The following NEDD4 variants were observed in gnomAD, a reference collection of about 807,000 sequenced individuals.
NEDD4 encodes the protein E3 ubiquitin-protein ligase NEDD4.
In NEDD4, 99 loss-of-function variants were observed where a neutral mutation model predicts 144.9. That is an observed-to-expected ratio of 0.68 (90% CI 0.58 to 0.81). The LOEUF (loss-of-function observed/expected upper bound fraction) is 0.81, where lower values mean the gene tolerates loss of function less well. Ranked by LOEUF, NEDD4 falls within the 30% of genes least tolerant of loss-of-function variation. NEDD4 has a pLI of 0.00. For missense variants in NEDD4, 985 were observed against 1,065.9 expected (o/e 0.92, Z 1.06); for synonymous variants, 318 against 350.6 (o/e 0.91, Z 1.04).
chr15:55,945,252 C>T (rs531575465), intron 4 of NEDD4, among the ~76,000 whole-genome samples: 8 of 152,028 alleles, frequency 5.3e-5, no homozygotes, highest in African/African-American at 1.9e-4. Flanking sequence ...TTGCAAGGAA[C>T]CTAAAAACCT....
At position 55,869,694 on chromosome 15, in the gene NEDD4, A is replaced by C; in HGVS notation, c.405-13T>G. On this transcript the variant is annotated splice_polypyrimidine_tract_variant and intron_variant, in intron 7 of 28. Transcript: ENST00000435532. ...TCTTGATTTGTGACTGTAGAAAAGA[A>C]AATAAATATTCATAAAACTTTAACA... 6.9e-7 allele frequency: 1 copy of C among 1,441,454 alleles called. No individual in the cohort carries two copies. Among genetic ancestry groups the C allele is most frequent in the Non-Finnish European group, 9.5e-7 (1 of 1,051,550 alleles). The allele number at this position is 1,441,454 out of a possible 1,614,324, so 89.3% of individuals were successfully genotyped here. A position where few individuals can be genotyped will look rare whatever the true frequency, so the allele number is the denominator to read the frequency against.
chr15:55,931,978 C>T lies in NEDD4; in HGVS notation c.238-7279G>A, dbSNP rs536104481. ...TCTCCATAGATTTGCCTATTCTGGA[C>T]ATTTCATGTAAGTGGAATCATACAA... On this transcript the variant is annotated intron_variant, in intron 4 of 28. Transcript: ENST00000435532. Among the ~76,000 whole-genome samples the T allele has an allele frequency of 3.3e-5, 5 of 152,302 alleles. No individual in the cohort carries two copies. In the South Asian group the frequency reaches 1.0e-3, roughly 32 times the overall value.
At chr15:55,867,987 CA>C (rs2034642844) in intron 8 of NEDD4, among the ~76,000 whole-genome samples, 1 of 148,454 alleles carries the variant, frequency 6.7e-6, no homozygotes, top group Non-Finnish European at 1.5e-5. Flanking sequence ...ACCCAGGAGG[CA>C]GAGGCTGCAG....
intron 2 of NEDD4, among the ~76,000 whole-genome samples, chr15:55,956,173 T>C (rs1324066745): frequency 6.6e-6 from 1 of 152,188 alleles, no homozygotes; most frequent in Non-Finnish European, 1.5e-5. Flanking sequence ...TATGTATTTA[T>C]GGGGTACATG....
intron 4 of NEDD4, among the ~76,000 whole-genome samples, chr15:55,948,112 T>C (rs897879721): frequency 5.9e-5 from 9 of 152,204 alleles, no homozygotes; most frequent in African/African-American, 1.7e-4. Context: ...AGTCTCAGGA[T>C]ACAAAATTAA....
intron 2 of NEDD4, among the ~76,000 whole-genome samples, chr15:55,960,633 G>A (rs1301861142): frequency 1.3e-5 from 2 of 152,082 alleles, no homozygotes; most frequent in South Asian, 2.1e-4. Context: ...GTGATCATGT[G>A]AGTCAATTCT....
In NEDD4 at chr15:55,944,364, C is replaced by T. The variant is rs549399951; in HGVS notation, c.237+7012G>A. 3.0e-3 allele frequency among the ~76,000 whole-genome samples: 458 copies of T among 152,332 alleles called. 1 individual carries two copies. The highest frequency in any genetic ancestry group is 5.4e-3 in the Non-Finnish European group (370 of 68,042). ...CATGCCTGGATTGGCGGGTACCATG[C>T]CCACAGAGCCTTGCTCACTGCTAGC... On this transcript the variant is annotated intron_variant, in intron 4 of 28. Transcript: ENST00000435532.
At chr15:55,970,826 C>T (rs139209941) in intron 1 of NEDD4, among the ~76,000 whole-genome samples, 72 of 152,300 alleles carry the variant, frequency 4.7e-4, no homozygotes, top group Non-Finnish European at 1.0e-4. Flanking sequence ...TGGGTACAAA[C>T]CAGCCCAGAC....
intron 26 of NEDD4, 95 bp downstream of exon 26, chr15:55,833,943 T>G (rs1006012569): frequency 8.9e-6 from 8 of 896,364 alleles, no homozygotes; most frequent in Non-Finnish European, 1.4e-5. Flanking sequence ...CTGTATCAGT[T>G]AAATGTAATC....
chr15:55,856,293 A>C lies in NEDD4; in HGVS notation c.961-97T>G, dbSNP rs1595755207. On this transcript the variant is annotated intron_variant, in intron 11 of 28. Coordinates refer to ENST00000435532, the MANE Select transcript of NEDD4 (RefSeq NM_006154.4). The stretch of plus-strand genomic sequence containing the variant: ...GTGAGGGTAAATATGACAGGGCAGA[A>C]GAGAGAAGGCTGGCTAGGATGCAAA... 7.7e-6 allele frequency: 8 copies of C among 1,039,852 alleles called. No homozygotes were observed. The East Asian group carries it at 2.0e-4, about 26-fold the overall frequency. 64.4% of individuals were successfully genotyped at this position (1,039,852 alleles called of 1,614,324 possible). A position where few individuals can be genotyped will look rare whatever the true frequency, so the allele number is the denominator to read the frequency against.
chr15:55,845,074 A>C (rs1349067622), intron 18 of NEDD4, among the ~76,000 whole-genome samples: 29 of 152,142 alleles, frequency 1.9e-4, no homozygotes, highest in African/African-American at 7.2e-5. Flanking sequence ...TTATTTTTAA[A>C]GTACTGCTTG....
intron 1 of NEDD4, among the ~76,000 whole-genome samples, chr15:55,978,619 G>A (rs538211596): frequency 5.9e-5 from 9 of 152,238 alleles, no homozygotes; most frequent in African/African-American, 2.2e-4. Context: ...CACCTTTTCC[G>A]TAATCAAAAC....
chr15:55,864,977 C>G (rs974723760), intron 8 of NEDD4, among the ~76,000 whole-genome samples: 1 of 151,724 alleles, frequency 6.6e-6, no homozygotes, highest in East Asian at 1.9e-4. Flanking sequence ...GTGAGGGGGT[C>G]ACTTGAGGTC....
intron 5 of NEDD4, among the ~76,000 whole-genome samples, chr15:55,876,595 G>A (rs1432585038): frequency 6.6e-6 from 1 of 152,018 alleles, no homozygotes; most frequent in Non-Finnish European, 1.5e-5. Flanking sequence ...GCACAGAGAA[G>A]AGTTAAAATG....
At position 55,828,401 on chromosome 15, in the gene NEDD4, T is replaced by G. The variant is rs1158203917; in HGVS notation, c.*1496A>C. On this transcript the variant is annotated 3_prime_UTR_variant, in exon 29 of 29. Coordinates refer to ENST00000435532, the MANE Select transcript of NEDD4 (RefSeq NM_006154.4). Reference sequence around the variant, plus strand: ...AATCTTTTTAAGAGCATTTTCTATATAATCATTCCAATATAAGGATGAAAC... The same window carrying G: ...AATCTTTTTAAGAGCATTTTCTATAGAATCATTCCAATATAAGGATGAAAC... 1 of 152,344 alleles carries G rather than the reference T, an allele frequency of 6.6e-6. No homozygotes were observed. The highest frequency in any genetic ancestry group is 2.4e-5 in the African/African-American group (1 of 41,584). The allele number at this position is 152,344 out of a possible 1,614,324, so 9.4% of individuals were successfully genotyped here.
Position 55,872,490 on chromosome 15 carries a change from G to T in NEDD4, c.343-14C>A. 1 of 1,342,142 alleles carries T rather than the reference G, an allele frequency of 7.5e-7. No homozygotes were observed. Among genetic ancestry groups the T allele is most frequent in the South Asian group, 1.6e-5 (1 of 64,464 alleles). The allele number at this position is 1,342,142 out of a possible 1,614,324, so 83.1% of individuals were successfully genotyped here. A position where few individuals can be genotyped will look rare whatever the true frequency, so the allele number is the denominator to read the frequency against. On this transcript the variant is annotated splice_polypyrimidine_tract_variant and intron_variant, in intron 6 of 28. Coordinates refer to ENST00000435532, the MANE Select transcript of NEDD4 (RefSeq NM_006154.4). ...TGGATTTTCTGTCTAGAATAAAATA[G>T]TGGGTTTTCAAAATATATCTATAAC...
chr15:55,912,688 T>A (rs1204181625), intron 5 of NEDD4, among the ~76,000 whole-genome samples: 1 of 152,184 alleles, frequency 6.6e-6, no homozygotes, highest in Non-Finnish European at 1.5e-5. Context: ...ATCATTGTTG[T>A]AACTGTATAC....
chr15:55,900,582 T>C (rs989042453), intron 5 of NEDD4, among the ~76,000 whole-genome samples: 1 of 152,110 alleles, frequency 6.6e-6, no homozygotes, highest in African/African-American at 2.4e-5. Context: ...GGTTAAAAAA[T>C]ATCCTAAGAG....
chr15:55,962,281 T>C (rs1178726881), intron 2 of NEDD4, among the ~76,000 whole-genome samples: 1 of 152,246 alleles, frequency 6.6e-6, no homozygotes, highest in Non-Finnish European at 1.5e-5. Context: ...TTTAAGTGCA[T>C]CACGTAGGAC....
Sources: allele counts gnomAD v4.1 joint callset (sites outside exome capture counted in the v4.1 genomes callset), GRCh38; gene constraint gnomAD v4.1.1; transcripts MANE v1.5; gene names NCBI Gene and HGNC (gene_info 2026-07-23, HGNC 2026-07-21).